Variants in NBAS observed in about 807,000 individuals in gnomAD.
NBAS encodes NBAS subunit of NRZ tethering complex.
Under a neutral mutation model 302.5 loss-of-function variants are expected in NBAS, and 219 were observed. The ratio of observed to expected loss-of-function variants is 0.72; its 90% CI spans 0.65 to 0.81. NBAS has a LOEUF of 0.81. Among genes scored for constraint, NBAS ranks in the 30% least tolerant of loss-of-function variants. NBAS has a pLI of 0.00. For synonymous variants in NBAS, 1,118 were observed against 1,021.6 expected (o/e 1.09, Z -1.80); for missense variants, 2,932 against 2,841.6 (o/e 1.03, Z -0.72).
intron 31 of NBAS, among the ~76,000 whole-genome samples, chr2:15,374,177 G>A (rs775028010): frequency 4.6e-5 from 7 of 152,040 alleles, no homozygotes; most frequent in Non-Finnish European, 7.4e-5. Flanking sequence ...ATAGATGGAC[G>A]TAATATACTG....
Position 15,328,419 on chromosome 2 carries a change from G to A in NBAS, c.4348-107C>T, listed in dbSNP as rs986725978. 3.3e-6 allele frequency: 3 copies of A among 920,474 alleles called. No individual in the cohort carries two copies. The African/African-American group carries it at 5.0e-5, about 15-fold the overall frequency. The allele number at this position is 920,474 out of a possible 1,614,324, so 57.0% of individuals were successfully genotyped here. A position where few individuals can be genotyped will look rare whatever the true frequency, so the allele number is the denominator to read the frequency against. ...GGGAGAGAGGGAGGAAGAAAAGGCT[G>A]ATTTCAAAAGAAACTGGTAATGCCT... On this transcript the variant is annotated intron_variant, in intron 36 of 51. Coordinates refer to ENST00000281513, the MANE Select transcript of NBAS (RefSeq NM_015909.4).
At chr2:15,177,467 A>C (rs1664602015) in intron 51 of NBAS, among the ~76,000 whole-genome samples, 1 of 152,208 alleles carries the variant, frequency 6.6e-6, no homozygotes, top group East Asian at 1.9e-4. Context: ...AAGAATCTTT[A>C]AAATGAAAAC....
chr2:15,190,346 G>T lies in NBAS; in HGVS notation c.6490C>A (p.Leu2164Met), dbSNP rs746510000. 1.2e-6 allele frequency: 2 copies of T among 1,613,872 alleles called. No homozygotes were observed. The highest frequency in any genetic ancestry group is 3.3e-5 in the Admixed American group (2 of 59,976). Residue 2164 changes from leucine (L) to methionine (M), a missense_variant, in exon 49 of 52, where the codon CTG (leucine) becomes ATG (methionine). Transcript: ENST00000281513. The stretch of plus-strand genomic sequence containing the variant: ...TCAGCCTCGTGGTGACTAGATTCCA[G>T]GAGTTCCATGAATAGACAGTAGCGG... ...ENRYCLFMELLESSHHEAEFQ... is the reference protein window; with the variant it reads ...ENRYCLFMELMESSHHEAEFQ...
the NBAS span, among the ~76,000 whole-genome samples, chr2:14,810,041 C>T: frequency 6.6e-6 from 1 of 152,336 alleles, no homozygotes; most frequent in Non-Finnish European, 1.5e-5. Flanking sequence ...TTACCCAATG[C>T]CTGTACTCTC....
At chr2:15,482,809 T>C (rs1226939924) in intron 12 of NBAS, among the ~76,000 whole-genome samples, 2 of 151,896 alleles carry the variant, frequency 1.3e-5, no homozygotes, top group African/African-American at 2.4e-5. Context: ...GCAAGGAAAA[T>C]CATTTGTTTT....
At chr2:15,494,106 G>A (rs1042909956) in intron 11 of NBAS, among the ~76,000 whole-genome samples, 82 of 152,284 alleles carry the variant, frequency 5.4e-4, no homozygotes, top group Non-Finnish European at 1.1e-3. Context: ...TTACAGGCAT[G>A]AGCCACCCCA....
Position 15,466,171 on chromosome 2 carries a change from G to A in NBAS, c.2097+1158C>T, listed in dbSNP as rs971363515. 2.0e-5 allele frequency among the ~76,000 whole-genome samples: 3 copies of A among 151,964 alleles called. No individual in the cohort carries two copies. In the South Asian group the frequency reaches 6.2e-4, roughly 32 times the overall value. On this transcript the variant is annotated intron_variant, in intron 19 of 51. Coordinates refer to ENST00000281513, the MANE Select transcript of NBAS (RefSeq NM_015909.4). The stretch of plus-strand genomic sequence containing the variant: ...AAAAACATTTCAATTATATTAGCAG[G>A]GTGGGGGAATCGAAGGCTTTTGGAT...
the NBAS span, among the ~76,000 whole-genome samples, chr2:15,151,916 C>T: frequency 2.6e-5 from 4 of 152,102 alleles, no homozygotes; most frequent in African/African-American, 4.8e-5. Flanking sequence ...GGCGCAATCT[C>T]GGCTCACTGC....
At chr2:15,373,988 A>C (rs1674609097) in intron 31 of NBAS, among the ~76,000 whole-genome samples, 1 of 152,194 alleles carries the variant, frequency 6.6e-6, no homozygotes, top group Non-Finnish European at 1.5e-5. Flanking sequence ...GTACACCATG[A>C]GATGTAAACA....
At chr2:15,415,245 A>G (rs2148458614) in intron 25 of NBAS, among the ~76,000 whole-genome samples, 1 of 152,348 alleles carries the variant, frequency 6.6e-6, no homozygotes, top group South Asian at 2.1e-4. Context: ...ATGAGGTAAC[A>G]CTGGGAAAGT....
At chr2:14,988,463 CCTCTT>C in the NBAS span, among the ~76,000 whole-genome samples, 3 of 152,158 alleles carry the variant, frequency 2.0e-5, no homozygotes, top group African/African-American at 7.2e-5. Context: ...TAATGACATT[CCTCTT>C]AATTCAAGAA....
chr2:15,434,659 T>C (rs1266152206), intron 21 of NBAS, among the ~76,000 whole-genome samples: 2 of 152,216 alleles, frequency 1.3e-5, no homozygotes, highest in Non-Finnish European at 2.9e-5. Context: ...GTATTACAGA[T>C]GAAAAATAGG....
the NBAS span, among the ~76,000 whole-genome samples, chr2:14,962,489 A>T: frequency 1.3e-5 from 2 of 152,130 alleles, no homozygotes; most frequent in Non-Finnish European, 2.9e-5. Flanking sequence ...TTCACCTTCC[A>T]CTGGGGTTCA....
the NBAS span, among the ~76,000 whole-genome samples, chr2:14,822,446 A>G: frequency 6.6e-6 from 1 of 152,180 alleles, no homozygotes; most frequent in African/African-American, 2.4e-5. Context: ...CTCTTCTGAG[A>G]GTCTGATACA....
At chr2:15,449,577 A>C (rs895601055) in intron 21 of NBAS, among the ~76,000 whole-genome samples, 4 of 130,408 alleles carry the variant, frequency 3.1e-5, no homozygotes, top group Non-Finnish European at 6.7e-5. Flanking sequence ...TAATCAGAGA[A>C]CTCGCCCTGA....
intron 28 of NBAS, among the ~76,000 whole-genome samples, chr2:15,386,014 A>C (rs1675274270): frequency 6.6e-6 from 1 of 152,220 alleles, no homozygotes. Context: ...TTTTAGCTAT[A>C]AAGAAATCTT....
chr2:15,356,357 G>T lies in NBAS; in HGVS notation c.3877C>A (p.Arg1293Ser), dbSNP rs373721233. 1 of 1,613,768 alleles carries T rather than the reference G, an allele frequency of 6.2e-7. No homozygotes were observed. Among genetic ancestry groups the T allele is most frequent in the Non-Finnish European group, 8.5e-7 (1 of 1,179,834 alleles). Reference sequence around the variant, plus strand: ...CTGGCTGCTTTGTAGTCATGGAAGCGAAGTGCCTGCTCCACTAAAAGGATT... The same window carrying T: ...CTGGCTGCTTTGTAGTCATGGAAGCTAAGTGCCTGCTCCACTAAAAGGATT... ...VLILLVEQAL[R>S]FHDYKAASMH... Residue 1293 changes from arginine to serine, a missense_variant, in exon 33 of 52, where the codon CGC becomes AGC. By Grantham distance (110) the Arg-to-Ser change is moderately radical. Transcript: ENST00000281513.
chr2:15,504,932 C>T (rs1488944097), intron 10 of NBAS, among the ~76,000 whole-genome samples: 1 of 152,130 alleles, frequency 6.6e-6, no homozygotes, highest in Non-Finnish European at 1.5e-5. Context: ...CAACAATATT[C>T]ACAATAGCCA....
the NBAS span, among the ~76,000 whole-genome samples, chr2:14,798,766 C>T: frequency 6.6e-6 from 1 of 151,916 alleles, no homozygotes. Flanking sequence ...TATATGGCTA[C>T]TTAGGTTATC....
Sources: gnomAD v4.1 joint callset for allele counts (sites outside exome capture counted in the v4.1 genomes callset) on GRCh38, gnomAD v4.1.1 for gene constraint, MANE v1.5 for transcripts, NCBI Gene and HGNC (gene_info 2026-07-23, HGNC 2026-07-21) for gene names.